GARNL3: variants seen among roughly 807,000 people sequenced by gnomAD.
GARNL3 encodes GTPase activating Rap/RanGAP domain like 3.
In GARNL3, 63 loss-of-function variants were observed where a neutral mutation model predicts 125.0. The ratio of observed to expected loss-of-function variants is 0.50; its 90% CI spans 0.41 to 0.62. GARNL3 has a LOEUF of 0.62. Ranked by LOEUF, GARNL3 falls within the 20% of genes least tolerant of loss-of-function variation. The pLI, the probability that GARNL3 is intolerant of heterozygous loss-of-function variation, is 0.00. For synonymous variants in GARNL3, 439 were observed against 457.5 expected (o/e 0.96, Z 0.52); for missense variants, 994 against 1,244.0 (o/e 0.80, Z 3.02).
intron 11 of GARNL3, 114 bp from the exon 12 acceptor site, chr9:127,338,002 G>A (rs1214467620): frequency 1.3e-6 from 1 of 790,734 alleles, no homozygotes; most frequent in East Asian, 2.4e-5. Context: ...AGTGATAGGT[G>A]CCCTAAGCAC....
At chr9:127,247,495 T>C (rs2063323793) in intron 2 of GARNL3, among the ~76,000 whole-genome samples, 1 of 152,198 alleles carries the variant, frequency 6.6e-6, no homozygotes, top group South Asian at 2.1e-4. Context: ...CTTGCCAGCC[T>C]CCCTGTCTCC....
At chr9:127,306,035 C>T (rs949403973) in intron 2 of GARNL3, among the ~76,000 whole-genome samples, 1 of 152,200 alleles carries the variant, frequency 6.6e-6, no homozygotes, top group African/African-American at 2.4e-5. Context: ...TTCCATTCTA[C>T]ACTTGGCAGT....
chr9:127,352,753 A>C (rs1830481153), intron 17 of GARNL3, among the ~76,000 whole-genome samples: 1 of 152,126 alleles, frequency 6.6e-6, no homozygotes, highest in Non-Finnish European at 1.5e-5. Flanking sequence ...CTGATGGTGA[A>C]AGCTCTGCTC....
chr9:127,335,275 A>G lies in GARNL3; in HGVS notation c.815A>G (p.His272Arg), dbSNP rs776716762. Residue 272 changes from histidine to arginine, a missense_variant, in exon 10 of 28, where the codon CAT becomes CGT. His to Arg is a conservative substitution (Grantham distance 29). Transcript: ENST00000373387. Reference sequence around the variant, plus strand: ...TCAGTTTATACTGTGTACCAAGGGCATGAGATCATGTTTCATGTTTCCACC... The same window carrying G: ...TCAGTTTATACTGTGTACCAAGGGCGTGAGATCATGTTTCATGTTTCCACC... ...IHSVYTVYQG[H>R]EIMFHVSTML... 1 of 1,614,130 alleles carries G rather than the reference A, an allele frequency of 6.2e-7. No homozygotes were observed. Among genetic ancestry groups the G allele is most frequent in the South Asian group, 1.1e-5 (1 of 91,088 alleles).
intron 2 of GARNL3, among the ~76,000 whole-genome samples, chr9:127,247,078 G>A (rs1487930283): frequency 6.6e-6 from 1 of 151,750 alleles, no homozygotes; most frequent in Non-Finnish European, 1.5e-5. Flanking sequence ...GTCTTAGTTT[G>A]CCTCTTGTGT....
At position 127,360,317 on chromosome 9, in the gene GARNL3, C is replaced by T. The variant is rs576588242; in HGVS notation, c.2094+2940C>T. 7.9e-5 allele frequency among the ~76,000 whole-genome samples: 12 copies of T among 152,096 alleles called. 1 individual carries two copies. Among genetic ancestry groups the T allele is most frequent in the Admixed American group, 6.5e-4 (10 of 15,276 alleles). On this transcript the variant is annotated intron_variant, in intron 21 of 27. Coordinates refer to ENST00000373387, the MANE Select transcript of GARNL3 (RefSeq NM_032293.5). ...GATTACAGGTGTGAGCCACCGCACC[C>T]GGCCAAGAAAAAAAAGTTTTTAAGG...
At chr9:127,348,043 T>A (rs1460036829) in intron 16 of GARNL3, among the ~76,000 whole-genome samples, 1 of 152,210 alleles carries the variant, frequency 6.6e-6, no homozygotes, top group Non-Finnish European at 1.5e-5. Context: ...AGAACACACC[T>A]ACATGTGCAC....
intron 7 of GARNL3, among the ~76,000 whole-genome samples, chr9:127,330,516 A>G (rs1392348266): frequency 6.6e-6 from 1 of 152,252 alleles, no homozygotes; most frequent in African/African-American, 2.4e-5. Context: ...CCAATGTACT[A>G]TGGTCAACAC....
chr9:127,307,169 A>G lies in GARNL3; in HGVS notation c.220-4467A>G, dbSNP rs73600884. Among the ~76,000 whole-genome samples, 485 of 152,302 alleles carry G rather than the reference A, an allele frequency of 3.2e-3. 3 individuals carry two copies. The highest frequency in any genetic ancestry group is 0.011 in the African/African-American group (464 of 41,562). ...AATAAAGTTATATTTGTTTTGCCCC[A>G]TCCAAGTTTATGCCCCGCTCTCTGT... On this transcript the variant is annotated intron_variant, in intron 2 of 27. Transcript: ENST00000373387.
At chr9:127,253,463 G>T (rs1396134335) in intron 2 of GARNL3, among the ~76,000 whole-genome samples, 2 of 152,190 alleles carry the variant, frequency 1.3e-5, no homozygotes, top group African/African-American at 2.4e-5. Context: ...TATGTTAGGT[G>T]CTTAGGCTTA....
intron 1 of GARNL3, among the ~76,000 whole-genome samples, chr9:127,282,671 A>T (rs1008113478): frequency 6.6e-6 from 1 of 152,144 alleles, no homozygotes; most frequent in Admixed American, 6.5e-5. Context: ...AATCTTTTTG[A>T]GTTTTTTTTC....
At chr9:127,316,300 G>A (rs1332995039) in intron 4 of GARNL3, among the ~76,000 whole-genome samples, 2 of 152,230 alleles carry the variant, frequency 1.3e-5, no homozygotes, top group Admixed American at 6.5e-5. Flanking sequence ...CCAGCACTTT[G>A]GGAGGTCAAG....
At chr9:127,379,726 C>G (rs774793944) in intron 22 of GARNL3, among the ~76,000 whole-genome samples, 4 of 152,142 alleles carry the variant, frequency 2.6e-5, no homozygotes, top group Non-Finnish European at 5.9e-5. Flanking sequence ...AAGTGCCATA[C>G]AGTGAGTTAA....
intron 4 of GARNL3, among the ~76,000 whole-genome samples, chr9:127,317,596 A>T (rs951543957): frequency 6.6e-6 from 1 of 152,094 alleles, no homozygotes; most frequent in Non-Finnish European, 1.5e-5. Context: ...GCATGCCTGT[A>T]ATCCCAGCTA....
intron 7 of GARNL3, among the ~76,000 whole-genome samples, chr9:127,331,720 C>CTTGCTTTTTTTTTTTTTTTTTT (rs367597623): frequency 2.7e-5 from 2 of 74,414 alleles, no homozygotes; most frequent in African/African-American, 9.6e-5. Flanking sequence ...CTTGGGCTTG[C>CTTGCTTTTTTTTTTTTTTTTTT]TTTTTTTTTT....
At chr9:127,348,813 C>T (rs951461753) in intron 16 of GARNL3, 111 bp from the exon 17 acceptor site, 2 of 667,668 alleles carry the variant, frequency 3.0e-6, no homozygotes, top group African/African-American at 3.7e-5. Context: ...TCCGCTCCCA[C>T]GGGGGTATCT....
intron 2 of GARNL3, among the ~76,000 whole-genome samples, chr9:127,250,989 C>G (rs960149768): frequency 1.3e-5 from 2 of 152,190 alleles, no homozygotes; most frequent in African/African-American, 4.8e-5. Context: ...ATTCCTTTGA[C>G]TATTACAGTT....
chr9:127,381,475 C>G (rs1025493242), intron 22 of GARNL3, among the ~76,000 whole-genome samples: 1 of 152,132 alleles, frequency 6.6e-6, no homozygotes, highest in Admixed American at 6.6e-5. Flanking sequence ...TCCTACATGT[C>G]ATTATCTCTT....
At chr9:127,360,994 AG>A (rs1238874047) in intron 21 of GARNL3, among the ~76,000 whole-genome samples, 1 of 152,084 alleles carries the variant, frequency 6.6e-6, no homozygotes, top group Non-Finnish European at 1.5e-5. Context: ...GTGCTCCTCT[AG>A]GGGGAACTGC....
Sources: allele counts gnomAD v4.1 joint callset (sites outside exome capture counted in the v4.1 genomes callset), GRCh38; gene constraint gnomAD v4.1.1; transcripts MANE v1.5; gene names NCBI Gene and HGNC (gene_info 2026-07-23, HGNC 2026-07-21).